The following PARD3B variants were observed in gnomAD, a reference collection of about 807,000 sequenced individuals.
PARD3B encodes par-3 family cell polarity regulator beta.
In PARD3B, 103 loss-of-function variants were observed where a neutral mutation model predicts 130.2. That is an observed-to-expected ratio of 0.79 (90% CI 0.67 to 0.93). The LOEUF is 0.93. Among genes scored for constraint, PARD3B ranks in the 40% least tolerant of loss-of-function variants. The pLI, the probability that PARD3B is intolerant of heterozygous loss-of-function variation, is 0.00. For missense variants in PARD3B, 1,609 were observed against 1,499.2 expected (o/e 1.07, Z -1.21); for synonymous variants, 583 against 553.2 (o/e 1.05, Z -0.76).
At chr2:204,780,489 A>G (rs1574966560) in intron 2 of PARD3B, among the ~76,000 whole-genome samples, 1 of 152,214 alleles carries the variant, frequency 6.6e-6, no homozygotes, top group East Asian at 1.9e-4. Flanking sequence ...ATAATTTATA[A>G]ACAACAGAAA....
intron 10 of PARD3B, among the ~76,000 whole-genome samples, chr2:205,136,572 C>G (rs181104826): frequency 4.6e-5 from 7 of 152,336 alleles, no homozygotes; most frequent in Admixed American, 4.6e-4. Context: ...TTCCACATGA[C>G]TTGAAAGAGC....
intron 2 of PARD3B, among the ~76,000 whole-genome samples, chr2:204,912,298 T>C (rs1490319903): frequency 2.6e-5 from 4 of 152,224 alleles, no homozygotes; most frequent in Non-Finnish European, 5.9e-5. Context: ...GTAAAATTAC[T>C]GAAGACTTTT....
chr2:204,613,823 G>C (rs985821331), intron 1 of PARD3B, among the ~76,000 whole-genome samples: 2 of 151,932 alleles, frequency 1.3e-5, no homozygotes, highest in Non-Finnish European at 2.9e-5. Flanking sequence ...TTCTTCTGCT[G>C]TTTGCCTTAT....
At chr2:204,720,777 A>G (rs1044225120) in intron 2 of PARD3B, among the ~76,000 whole-genome samples, 12 of 152,152 alleles carry the variant, frequency 7.9e-5, no homozygotes, top group African/African-American at 2.4e-4. Flanking sequence ...AGGCCAAATA[A>G]TAGTGGCTTC....
intron 2 of PARD3B, among the ~76,000 whole-genome samples, chr2:204,880,709 T>C (rs1172978730): frequency 6.6e-6 from 1 of 150,792 alleles, no homozygotes; most frequent in East Asian, 1.9e-4. Flanking sequence ...GAAGCCCTGT[T>C]ATCTCCAAGA....
rs1045280631 is a variant in PARD3B at position 204,919,271 on chromosome 2, A to G, written c.223-45881A>G. 4.6e-5 allele frequency among the ~76,000 whole-genome samples: 7 copies of G among 152,332 alleles called. No homozygotes were observed. In the East Asian group the frequency reaches 1.3e-3, roughly 29 times the overall value. ...AAGATCTTTATAAAGTAAAATTTAC[A>G]TATGATGAAATGCACAAATCTCAAG... On this transcript the variant is annotated intron_variant, in intron 2 of 22. Coordinates refer to ENST00000406610, the MANE Select transcript of PARD3B (RefSeq NM_001302769.2).
chr2:205,046,322 G>A (rs1473412431), intron 3 of PARD3B, among the ~76,000 whole-genome samples: 4 of 151,450 alleles, frequency 2.6e-5, no homozygotes, highest in African/African-American at 9.7e-5. Context: ...TATGTCAGTT[G>A]GTTAAGAAAT....
intron 2 of PARD3B, among the ~76,000 whole-genome samples, chr2:204,756,665 G>A (rs73060932): frequency 0.02 from 3,087 of 152,178 alleles, 100 homozygotes; most frequent in African/African-American, 0.069. Context: ...AGAGAGGCAC[G>A]CCAGACTTGC....
At chr2:204,959,857 A>G (rs1258961633) in intron 2 of PARD3B, among the ~76,000 whole-genome samples, 1 of 152,206 alleles carries the variant, frequency 6.6e-6, no homozygotes, top group African/African-American at 2.4e-5. Context: ...ATATCTACAT[A>G]TTGAAAATAA....
At chr2:205,083,062 G>T (rs1701519549) in intron 4 of PARD3B, among the ~76,000 whole-genome samples, 2 of 151,836 alleles carry the variant, frequency 1.3e-5, no homozygotes, top group South Asian at 4.2e-4. Context: ...TGGGCTTACA[G>T]GTGCACACTA....
chr2:205,374,960 AATT>A (rs2044981486), intron 18 of PARD3B, among the ~76,000 whole-genome samples: 1 of 152,192 alleles, frequency 6.6e-6, no homozygotes, highest in African/African-American at 2.4e-5. Context: ...AAATAATTTA[AATT>A]ATTATGATAC....
rs59565569 is a variant in PARD3B, at chr2:205,072,192, A to G, written c.504+24502A>G. Among the ~76,000 whole-genome samples, 1,322 of 151,920 alleles carry G rather than the reference A, an allele frequency of 8.7e-3. 18 individuals carry two copies. The highest frequency in any genetic ancestry group is 0.03 in the African/African-American group (1,255 of 41,452). On this transcript the variant is annotated intron_variant, in intron 4 of 22. Coordinates refer to ENST00000406610, the MANE Select transcript of PARD3B (RefSeq NM_001302769.2). ...AATTCCACATTAAAAGACTGCTTACATTCTTATAAACTTGTATTTGGACTT... is the reference window on the plus strand; with the variant it reads ...AATTCCACATTAAAAGACTGCTTACGTTCTTATAAACTTGTATTTGGACTT...
At chr2:204,735,736 G>A (rs2039716664) in intron 2 of PARD3B, among the ~76,000 whole-genome samples, 1 of 152,146 alleles carries the variant, frequency 6.6e-6, no homozygotes, top group Non-Finnish European at 1.5e-5. Flanking sequence ...GTTTTGGTGT[G>A]ATAATGGCAT....
intron 2 of PARD3B, among the ~76,000 whole-genome samples, chr2:204,858,865 T>G (rs1170034702): frequency 6.6e-6 from 1 of 150,614 alleles, no homozygotes; most frequent in Non-Finnish European, 1.5e-5. Flanking sequence ...AAAAACTCAT[T>G]TATGATTTCA....
At chr2:205,205,771 C>G (rs2037257634) in intron 15 of PARD3B, among the ~76,000 whole-genome samples, 1 of 152,160 alleles carries the variant, frequency 6.6e-6, no homozygotes, top group African/African-American at 2.4e-5. Flanking sequence ...TATGTTGAAC[C>G]AGCCTTGCAT....
Position 205,407,361 on chromosome 2 carries a change from C to T in PARD3B, c.2741+6238C>T, listed in dbSNP as rs1348255944. Among the ~76,000 whole-genome samples the T allele has an allele frequency of 6.6e-6, 1 of 152,188 alleles. No individual in the cohort carries two copies. The highest frequency in any genetic ancestry group is 2.4e-5 in the African/African-American group (1 of 41,452). ...AAGATTAGTTCCAAAGGCCCATATT[C>T]ATTGCTAGAGATATGAACCCAGTGT... is the stretch of plus-strand genomic sequence containing the variant. On this transcript the variant is annotated intron_variant, in intron 19 of 22. Coordinates refer to ENST00000406610, the MANE Select transcript of PARD3B (RefSeq NM_001302769.2). The surrounding 1 kb of genome is among the most constrained non-coding windows in gnomAD (Gnocchi z 4.1).
At chr2:205,112,430 A>C (rs1288482591) in intron 5 of PARD3B, among the ~76,000 whole-genome samples, 1 of 152,094 alleles carries the variant, frequency 6.6e-6, no homozygotes, top group Non-Finnish European at 1.5e-5. Context: ...GCTGTTCTCA[A>C]CTTTCCAGCA....
At position 205,372,587 on chromosome 2, in the gene PARD3B, A is replaced by C. The variant is rs1574837154; in HGVS notation, c.2631-28426A>C. Among the ~76,000 whole-genome samples, 4 of 152,378 alleles carry C rather than the reference A, an allele frequency of 2.6e-5. No individual in the cohort carries two copies. The South Asian group carries it at 8.3e-4, about 32-fold the overall frequency. On this transcript the variant is annotated intron_variant, in intron 18 of 22. Transcript: ENST00000406610. The stretch of plus-strand genomic sequence containing the variant: ...TGAGAAATGTAGAGAAAAATGAGGA[A>C]AAAATTTGGTTTATATAAAGTTTCC...
chr2:204,852,439 A>AGTTTAAATGTTTAAAT (rs1373779360), intron 2 of PARD3B, among the ~76,000 whole-genome samples: 18 of 152,296 alleles, frequency 1.2e-4, no homozygotes, highest in Admixed American at 4.6e-4. Flanking sequence ...CTTGGCCAAT[A>AGTTTAAATGTTTAAAT]GTTTAAATGT....
Sources: allele counts gnomAD v4.1 joint callset (sites outside exome capture counted in the v4.1 genomes callset), GRCh38; gene constraint gnomAD v4.1.1; non-coding constraint Gnocchi (gnomAD v3.1); transcripts MANE v1.5; gene names NCBI Gene and HGNC (gene_info 2026-07-23, HGNC 2026-07-21).